Variants in MAP1A observed in about 807,000 individuals in gnomAD.
The protein encoded by MAP1A is microtubule associated protein 1A, also known as microtubule-associated protein 1A.
In MAP1A, 42 loss-of-function variants were observed where a neutral mutation model predicts 185.9. The observed-to-expected ratio is 0.23, with a 90% CI of 0.18 to 0.29. The LOEUF (loss-of-function observed/expected upper bound fraction) is 0.29. Among genes scored for constraint, MAP1A ranks in the 10% least tolerant of loss-of-function variants. The pLI, the probability that MAP1A is intolerant of heterozygous loss-of-function variation, is 1.00. For missense variants in MAP1A, 2,995 were observed against 3,450.4 expected (o/e 0.87, Z 3.31); for synonymous variants, 1,229 against 1,335.9 (o/e 0.92, Z 1.74).
rs780452106 is a variant in MAP1A, at chr15:43,528,444, T to C, written c.6971T>C (p.Leu2324Pro). The change falls in exon 4 of 6, where the codon CTG becomes CCG. Residue 2324 changes from leucine (L) to proline (P), a missense_variant. Physicochemically the swap from Leu to Pro is moderately conservative, Grantham distance 98. This residue lies in a region of MAP1A where 2,728 missense variants were observed against 2,986.0 expected (regional missense o/e 0.91). Transcript: ENST00000300231. The stretch of plus-strand genomic sequence containing the variant: ...TTGGCCCTAGCTCCAGCTCCAAGCC[T>C]GCCTGGAGACATGGGTGATGGCATC... ...LDLALAPAPS[L>P]PGDMGDGILP... 6.2e-7 allele frequency: 1 copy of C among 1,613,390 alleles called. No individual in the cohort carries two copies. Among genetic ancestry groups the C allele is most frequent in the Non-Finnish European group, 8.5e-7 (1 of 1,180,030 alleles).
At chr15:43,520,932 A>G in intron 2 of MAP1A, 40 bp from the exon 3 acceptor site, 1 of 1,533,720 alleles carries the variant, frequency 6.5e-7, no homozygotes, top group Non-Finnish European at 8.8e-7. Flanking sequence ...CTTTCCCTGG[A>G]TTTCCTATAT....
chr15:43,526,183 G>A lies in MAP1A; in HGVS notation c.4710G>A (p.Gln1570=). The part of the protein sequence containing the change: ...QKDEALEQNI[Q]ALEENHQTQE... Reference sequence around the variant, plus strand: ...ATGAAGCCCTGGAACAAAACATTCAGGCTCTGGAAGAGAACCACCAAACTC... The same window carrying A: ...ATGAAGCCCTGGAACAAAACATTCAAGCTCTGGAAGAGAACCACCAAACTC... Residue 1570 remains glutamine (Q), a synonymous_variant, in exon 4 of 6, where the codon CAG becomes CAA. Coordinates refer to ENST00000300231, the MANE Select transcript of MAP1A (RefSeq NM_002373.6). The surrounding 1 kb of genome is among the most constrained non-coding windows in gnomAD (Gnocchi z 4.7). 1 of 1,613,656 alleles carries A rather than the reference G, an allele frequency of 6.2e-7. No individual in the cohort carries two copies. Among genetic ancestry groups the A allele is most frequent in the Non-Finnish European group, 8.5e-7 (1 of 1,179,960 alleles).
chr15:43,525,382 G>T lies in MAP1A; in HGVS notation c.3909G>T (p.Lys1303Asn), dbSNP rs1173619727. 2.5e-6 allele frequency: 4 copies of T among 1,614,006 alleles called. No homozygotes were observed. The highest frequency in any genetic ancestry group is 2.5e-6 in the Non-Finnish European group (3 of 1,180,056). The stretch of plus-strand genomic sequence containing the variant: ...ACTCTACACCTTCAGGAAATGGGAA[G>T]TACTTACCTGGGGCGATCACAAGCC... ...FSHSTPSGNG[K>N]YLPGAITSPD... Residue 1303 changes from lysine (K) to asparagine (N), a missense_variant, in exon 4 of 6, where the codon AAG becomes AAT. Coordinates refer to ENST00000300231, the MANE Select transcript of MAP1A (RefSeq NM_002373.6).
chr15:43,513,841 G>A (rs2079290093), upstream of MAP1A, among the ~76,000 whole-genome samples: 1 of 152,214 alleles, frequency 6.6e-6, no homozygotes, highest in South Asian at 2.1e-4. Flanking sequence ...GAGCTTTGGT[G>A]AAAGGCCAGA....
Position 43,527,769 on chromosome 15 carries a change from G to A in MAP1A, c.6296G>A (p.Ser2099Asn). The A allele has an allele frequency of 1.2e-6, 2 of 1,613,856 alleles. No individual in the cohort carries two copies. Among genetic ancestry groups the A allele is most frequent in the Non-Finnish European group, 1.7e-6 (2 of 1,179,894 alleles). Residue 2099 changes from serine (S) to asparagine (N), a missense_variant, in exon 4 of 6, where the codon AGT (serine) becomes AAT (asparagine). Physicochemically the swap from Ser to Asn is conservative, Grantham distance 46 (BLOSUM62 1). Transcript: ENST00000300231. ...RSPSPKESGR[S>N]HWDDSTSDSE... ...CCATCCCCCAAGGAATCAGGCCGGA[G>A]TCACTGGGATGACAGCACTAGTGAC...
upstream of MAP1A, among the ~76,000 whole-genome samples, chr15:43,516,102 G>A (rs914714566): frequency 6.6e-5 from 10 of 152,172 alleles, no homozygotes; most frequent in Non-Finnish European, 1.3e-4. Flanking sequence ...GAGATAGAAG[G>A]CTTGAGGTGG....
chr15:43,511,491 T>C (rs1398340911), intron 1 of MAP1A, among the ~76,000 whole-genome samples: 1 of 152,174 alleles, frequency 6.6e-6, no homozygotes, highest in Non-Finnish European at 1.5e-5. Flanking sequence ...CTGGGGCCCC[T>C]CTGGTCACAC....
At chr15:43,511,968 CCTT>C (rs917229610) in intron 1 of MAP1A, among the ~76,000 whole-genome samples, 82 of 152,304 alleles carry the variant, frequency 5.4e-4, no homozygotes, top group African/African-American at 1.8e-3. Context: ...TAAACTCTGT[CCTT>C]CTCCCTCTGG....
In MAP1A at chr15:43,529,375, A is replaced by G; in HGVS notation, c.7902A>G (p.Lys2634=). Residue 2634 remains lysine (K), a synonymous_variant, in exon 4 of 6, where the codon AAA becomes AAG. Coordinates refer to ENST00000300231, the MANE Select transcript of MAP1A (RefSeq NM_002373.6). This position sits in a 1 kb window ranked among gnomAD's most constrained non-coding sequence, Gnocchi z 4.3. The part of the protein sequence containing the change: ...LRGKRSPTPG[K]GPADRASRAP... ...GAAAACGCTCACCCACCCCTGGTAA[A>G]GGGCCTGCAGATCGAGCATCCCGGG... 8.1e-6 allele frequency: 13 copies of G among 1,613,954 alleles called. No homozygotes were observed. Among genetic ancestry groups the G allele is most frequent in the Non-Finnish European group, 1.1e-5 (13 of 1,180,016 alleles).
Position 43,525,474 on chromosome 15 carries a change from C to G in MAP1A, c.4001C>G (p.Ala1334Gly), listed in dbSNP as rs2079339053. 3.7e-6 allele frequency: 6 copies of G among 1,614,222 alleles called. No individual in the cohort carries two copies. Among genetic ancestry groups the G allele is most frequent in the Non-Finnish European group, 5.1e-6 (6 of 1,180,052 alleles). Residue 1334 changes from alanine (A) to glycine (G), a missense_variant, in exon 4 of 6, where the codon GCC (alanine) becomes GGC (glycine). By Grantham distance (60) the Ala-to-Gly change is moderately conservative (BLOSUM62 0). This residue lies in a region of MAP1A where 2,728 missense variants were observed against 2,986.0 expected (regional missense o/e 0.91). Transcript: ENST00000300231. Reference sequence around the variant, plus strand: ...AGTCCTGAGTCTTTGCCAGGCCCTGCCTTGGAGGACATTGCCATAAAGTGG... The same window carrying G: ...AGTCCTGAGTCTTTGCCAGGCCCTGGCTTGGAGGACATTGCCATAAAGTGG... ...SKSPESLPGPALEDIAIKWED... is the reference protein window; with the variant it reads ...SKSPESLPGPGLEDIAIKWED...
rs1372930017 is a variant in MAP1A at position 43,520,666 on chromosome 15, T to C, written c.-349T>C. The C allele has an allele frequency of 2.6e-6, 4 of 1,548,704 alleles. No homozygotes were observed. In the Admixed American group the frequency reaches 7.8e-5, roughly 30 times the overall value. ...GCCAGAGGACCCTTTGCCACCAGAG[T>C]GAGATCCTAGAGACCATCATCCTGG... is the stretch of plus-strand genomic sequence containing the variant. On this transcript the variant is annotated 5_prime_UTR_variant, in exon 2 of 6. Coordinates refer to ENST00000300231, the MANE Select transcript of MAP1A (RefSeq NM_002373.6).
chr15:43,511,188 A>G, exon 1 of MAP1A: 5 of 1,550,542 alleles, frequency 3.2e-6, no homozygotes, highest in Non-Finnish European at 4.4e-6. Flanking sequence ...ATCGGTACAG[A>G]GAGTCAGCTG....
In MAP1A at chr15:43,523,708, G is replaced by C; in HGVS notation, c.2235G>C (p.Glu745Asp). Residue 745 changes from glutamate (E) to aspartate (D), a missense_variant, in exon 4 of 6, where the codon GAG becomes GAC. Glu to Asp is a conservative substitution (Grantham distance 45). This residue lies in a region of MAP1A where 2,728 missense variants were observed against 2,986.0 expected (regional missense o/e 0.91). Transcript: ENST00000300231. ...ATGAGACAATCCCTGGCTACTCAGA[G>C]ACTGAGCAGACCATCTCAGATGAGG... ...IQDETIPGYS[E>D]TEQTISDEEI... is the part of the protein sequence containing the mutation. The C allele has an allele frequency of 6.2e-7, 1 of 1,613,942 alleles. No individual in the cohort carries two copies. The highest frequency in any genetic ancestry group is 2.2e-5 in the East Asian group (1 of 44,870).
In MAP1A at chr15:43,528,006, C is replaced by A. The variant is rs373300975; in HGVS notation, c.6533C>A (p.Pro2178Gln). Residue 2178 changes from proline (P) to glutamine (Q), a missense_variant, in exon 4 of 6, where the codon CCA (proline) becomes CAA (glutamine). Physicochemically the swap from Pro to Gln is moderately conservative, Grantham distance 76. Around this residue, in one of 3 missense-constraint regions of MAP1A, gnomAD observed 2,728 missense variants for 2,986.0 expected, o/e 0.91. Coordinates refer to ENST00000300231, the MANE Select transcript of MAP1A (RefSeq NM_002373.6). ...TTCTCCTCATTGCAGCCAGCTCCCC[C>A]ACAGCTGCCCTCTCCAGCTGAACCC... ...FGFSSLQPAPPQLPSPAEPRS... is the reference protein window; with the variant it reads ...FGFSSLQPAPQQLPSPAEPRS... 11 of 1,613,918 alleles carry A rather than the reference C, an allele frequency of 6.8e-6. No homozygotes were observed. Among genetic ancestry groups the A allele is most frequent in the Admixed American group, 3.3e-5 (2 of 60,006 alleles).
upstream of MAP1A, among the ~76,000 whole-genome samples, chr15:43,515,408 A>T (rs1280613101): frequency 6.6e-6 from 1 of 152,218 alleles, no homozygotes; most frequent in Non-Finnish European, 1.5e-5. Context: ...AAGCAAGGAC[A>T]TGAATAGGAC....
Position 43,527,560 on chromosome 15 carries a change from C to G in MAP1A, c.6087C>G (p.Asp2029Glu). 6.2e-7 allele frequency: 1 copy of G among 1,614,164 alleles called. No homozygotes were observed. The highest frequency in any genetic ancestry group is 8.5e-7 in the Non-Finnish European group (1 of 1,180,022). Residue 2029 changes from aspartate (D) to glutamate (E), a missense_variant, in exon 4 of 6, where the codon GAC becomes GAG. Asp to Glu is a conservative substitution (Grantham distance 45). Transcript: ENST00000300231. ...TCTCACCCAAGAGCCTCCAGTCTGA[C>G]ACTCCAACCTTCAGCTATGCAGCCC... ...SPISPKSLQS[D>E]TPTFSYAALA...
In MAP1A at chr15:43,529,458, G is replaced by C; in HGVS notation, c.7985G>C (p.Gly2662Ala). Residue 2662 changes from glycine (G) to alanine (A), a missense_variant, in exon 4 of 6, where the codon GGA (glycine) becomes GCA (alanine). By Grantham distance (60) the Gly-to-Ala change is moderately conservative. This residue lies in a region of MAP1A where 2,728 missense variants were observed against 2,986.0 expected (regional missense o/e 0.91). Transcript: ENST00000300231. The surrounding 1 kb of genome is among the most constrained non-coding windows in gnomAD (Gnocchi z 4.3). Reference protein sequence around the residue: ...SQVTPAEEKDGHSPMSKGLVN... With the variant: ...SQVTPAEEKDAHSPMSKGLVN... The stretch of plus-strand genomic sequence containing the variant: ...GTCACCCCAGCAGAGGAAAAGGATG[G>C]ACACAGCCCCATGTCCAAAGGCCTA... 5.0e-6 allele frequency: 8 copies of C among 1,613,170 alleles called. No homozygotes were observed. The highest frequency in any genetic ancestry group is 6.8e-6 in the Non-Finnish European group (8 of 1,179,456).
In MAP1A at chr15:43,527,263, C is replaced by T; in HGVS notation, c.5790C>T (p.His1930=). 10 of 1,614,124 alleles carry T rather than the reference C, an allele frequency of 6.2e-6. No homozygotes were observed. Among genetic ancestry groups the T allele is most frequent in the Non-Finnish European group, 8.5e-6 (10 of 1,179,980 alleles). ...CTGAGGCTCCTGACAAAAGCTCACA[C>T]AGCTCAAAGGTACCAGAGGCCAGCA... ...GRAEAPDKSS[H]SSKVPEASKS... Residue 1930 remains histidine, a synonymous_variant, in exon 4 of 6, where the codon CAC becomes CAT. Transcript: ENST00000300231.
At chr15:43,511,333 C>A in intron 1 of MAP1A, 1 of 849,664 alleles carries the variant, frequency 1.2e-6, no homozygotes, top group East Asian at 2.7e-5. Flanking sequence ...CTAGTGTGCA[C>A]TTCCTGAGAT....
Sources: allele counts gnomAD v4.1 joint callset (sites outside exome capture counted in the v4.1 genomes callset), GRCh38; gene constraint gnomAD v4.1.1; regional missense constraint gnomAD v4.1.1; non-coding constraint Gnocchi (gnomAD v3.1); transcripts MANE v1.5; gene names NCBI Gene and HGNC (gene_info 2026-07-23, HGNC 2026-07-21).